The following ZBTB47 variants were observed in gnomAD, a reference collection of about 807,000 sequenced individuals.
ZBTB47 encodes zinc finger and BTB domain containing 47.
Under a neutral mutation model 56.6 loss-of-function variants are expected in ZBTB47, and 24 were observed. The ratio of observed to expected loss-of-function variants is 0.42; its 90% CI spans 0.31 to 0.60. The LOEUF (loss-of-function observed/expected upper bound fraction) is 0.60, where lower values mean the gene tolerates loss of function less well. Ranked by LOEUF, ZBTB47 falls within the 20% of genes least tolerant of loss-of-function variation. ZBTB47 has a pLI of 0.14. For synonymous variants in ZBTB47, 414 were observed against 418.9 expected, an observed-to-expected ratio of 0.99 and a Z score of 0.14; for missense variants, 829 against 1,032.6, an observed-to-expected ratio of 0.80 and a Z score of 2.70.
chr3:42,658,280 G>A lies in ZBTB47; in HGVS notation c.-76G>A. Reference sequence around the variant, plus strand: ...TGTGCCCTCTGTCCCCGCAGTTGCTGGTTGAGAAGACAACTGACTCCCCGG... The same window carrying A: ...TGTGCCCTCTGTCCCCGCAGTTGCTAGTTGAGAAGACAACTGACTCCCCGG... On this transcript the variant is annotated 5_prime_UTR_variant, in exon 2 of 6. It introduces an in-frame stop codon into an upstream open reading frame of the 5' UTR. Transcript: ENST00000232974. The A allele has an allele frequency of 1.4e-6, 2 of 1,472,752 alleles. No homozygotes were observed. Among genetic ancestry groups the A allele is most frequent in the Non-Finnish European group, 1.8e-6 (2 of 1,114,928 alleles). 91.2% of individuals were successfully genotyped at this position (1,472,752 alleles called of 1,614,324 possible).
Position 42,654,577 on chromosome 3 carries a change from G to C in ZBTB47, c.-82+694G>C, listed in dbSNP as rs1172842524. ...GGCCGCGCCCCCGGGGGCCATGGTC[G>C]CGGGGCCCTGCGCGGGGGCGGCCCC... On this transcript the variant is annotated intron_variant, in intron 1 of 5. Coordinates refer to ENST00000232974, the MANE Select transcript of ZBTB47 (RefSeq NM_145166.4). The surrounding 1 kb of genome is among the most constrained non-coding windows in gnomAD (Gnocchi z 5.0). The C allele has an allele frequency of 1.6e-6, 1 of 644,260 alleles. No individual in the cohort carries two copies. The highest frequency in any genetic ancestry group is 1.9e-6 in the Non-Finnish European group (1 of 520,004). The allele number at this position is 644,260 out of a possible 1,614,324, so 39.9% of individuals were successfully genotyped here. A position where few individuals can be genotyped will look rare whatever the true frequency, so the allele number is the denominator to read the frequency against.
chr3:42,652,940 C>A (rs1415024146), upstream of ZBTB47, among the ~76,000 whole-genome samples: 1 of 152,246 alleles, frequency 6.6e-6, no homozygotes, highest in Non-Finnish European at 1.5e-5. Context: ...CAGAAGGCAG[C>A]CCTCAGCGGG....
rs1294794489 is a variant in ZBTB47, at chr3:42,659,669, C to G, written c.1314C>G (p.Cys438Trp). Reference protein sequence around the residue: ...VKLEEKQHHPCQKCPRVFNNR... With the variant: ...VKLEEKQHHPWQKCPRVFNNR... The stretch of plus-strand genomic sequence containing the variant: ...TGGAGGAGAAGCAGCACCATCCATG[C>G]CAGAAGTGCCCACGAGTTTTCAACA... The change falls in exon 2 of 6, where the codon TGC becomes TGG. Residue 438 changes from cysteine (C) to tryptophan (W), a missense_variant. Physicochemically the swap from Cys to Trp is radical, Grantham distance 215. Coordinates refer to ENST00000232974, the MANE Select transcript of ZBTB47 (RefSeq NM_145166.4). 1 of 1,612,580 alleles carries G rather than the reference C, an allele frequency of 6.2e-7. No homozygotes were observed. Among genetic ancestry groups the G allele is most frequent in the Admixed American group, 1.7e-5 (1 of 59,784 alleles).
chr3:42,661,446 G>C (rs771726022), intron 2 of ZBTB47, 39 bp from the exon 3 acceptor site: 1 of 1,604,036 alleles, frequency 6.2e-7, no homozygotes, highest in South Asian at 1.1e-5. Context: ...AGACCCTGGG[G>C]ACTCAGGACC....
At chr3:42,655,592 C>T (rs1427608081) in intron 1 of ZBTB47, among the ~76,000 whole-genome samples, 4 of 152,196 alleles carry the variant, frequency 2.6e-5, no homozygotes, top group Admixed American at 1.3e-4. Flanking sequence ...CTGGAGTGAC[C>T]TGGACTGCAG....
At chr3:42,662,101 A>G (rs920850357) in intron 3 of ZBTB47, among the ~76,000 whole-genome samples, 4 of 152,264 alleles carry the variant, frequency 2.6e-5, no homozygotes, top group East Asian at 1.9e-4. Context: ...CTCAGGGTTC[A>G]TGCCTGGACA....
Position 42,654,819 on chromosome 3 carries a change from C to CAGCAGATGGAGCCG in ZBTB47, c.-82+936_-82+937insAGCAGATGGAGCCG. The CAGCAGATGGAGCCG allele has an allele frequency of 1.9e-6, 1 of 535,352 alleles. No homozygotes were observed. Among genetic ancestry groups the CAGCAGATGGAGCCG allele is most frequent in the Non-Finnish European group, 2.4e-6 (1 of 418,468 alleles). The allele number at this position is 535,352 out of a possible 1,614,324, so 33.2% of individuals were successfully genotyped here. ...GATCTTCCCCCCTCCCCCGGTCTCC[C>CAGCAGATGGAGCCG]GGCTCCATCTGCTGGGTCCCGCGGG... On this transcript the variant is annotated intron_variant, in intron 1 of 5. Coordinates refer to ENST00000232974, the MANE Select transcript of ZBTB47 (RefSeq NM_145166.4). This position sits in a 1 kb window ranked among gnomAD's most constrained non-coding sequence, Gnocchi z 5.0.
At position 42,663,652 on chromosome 3, in the gene ZBTB47, G is replaced by A. The variant is rs1577629479; in HGVS notation, c.1738-145G>A. The stretch of plus-strand genomic sequence containing the variant: ...TGTACTGCCCACCCAGATGCACCTC[G>A]GCTTGCCCTCATGTCCCCATCTCCT... On this transcript the variant is annotated intron_variant, in intron 4 of 5. Coordinates refer to ENST00000232974, the MANE Select transcript of ZBTB47 (RefSeq NM_145166.4). This position sits in a 1 kb window ranked among gnomAD's most constrained non-coding sequence, Gnocchi z 5.1. The A allele has an allele frequency of 5.8e-6, 6 of 1,031,394 alleles. No homozygotes were observed. The East Asian group carries it at 1.1e-4, about 18-fold the overall frequency. 63.9% of individuals were successfully genotyped at this position (1,031,394 alleles called of 1,614,324 possible).
In ZBTB47 at chr3:42,659,385, A is replaced by G. The variant is rs1158221140; in HGVS notation, c.1030A>G (p.Ser344Gly). The G allele has an allele frequency of 8.9e-7, 1 of 1,120,280 alleles. No individual in the cohort carries two copies. The highest frequency in any genetic ancestry group is 1.1e-6 in the Non-Finnish European group (1 of 899,370). The allele number at this position is 1,120,280 out of a possible 1,614,324, so 69.4% of individuals were successfully genotyped here. A position where few individuals can be genotyped will look rare whatever the true frequency, so the allele number is the denominator to read the frequency against. ...AGGGCCTAGTGAGCAGGATCAAGAG[A>G]GCTCTGAGGAGGAGGAGGGGGAGGA... ...EEGPSEQDQE[S>G]SEEEEGEEGE... Residue 344 changes from serine to glycine, a missense_variant, in exon 2 of 6, where the codon AGC (serine) becomes GGC (glycine). Transcript: ENST00000232974.
chr3:42,666,603 C>T lies in ZBTB47; in HGVS notation c.*2005C>T, dbSNP rs1710792355. Among the ~76,000 whole-genome samples the T allele has an allele frequency of 6.6e-6, 1 of 152,208 alleles. No homozygotes were observed. The highest frequency in any genetic ancestry group is 2.4e-5 in the African/African-American group (1 of 41,452). The stretch of plus-strand genomic sequence containing the variant: ...TCCTCCATGGGTTTCCAACCCCCAT[C>T]ACTGGCACCAGGATCTCCCACAGGC... On this transcript the variant is annotated 3_prime_UTR_variant, in exon 6 of 6. Coordinates refer to ENST00000232974, the MANE Select transcript of ZBTB47 (RefSeq NM_145166.4).
In ZBTB47 at chr3:42,664,361, C is replaced by A. The variant is rs1260676272; in HGVS notation, c.2007C>A (p.Phe669Leu). 3 of 1,611,286 alleles carry A rather than the reference C, an allele frequency of 1.9e-6. No homozygotes were observed. The highest frequency in any genetic ancestry group is 2.5e-6 in the Non-Finnish European group (3 of 1,178,918). ...PYPCDVCGQR[F>L]RFSNMLKAHK... Reference sequence around the variant, plus strand: ...CGTGCGACGTGTGTGGCCAGCGCTTCCGCTTCTCCAACATGCTCAAGGCCC... The same window carrying A: ...CGTGCGACGTGTGTGGCCAGCGCTTACGCTTCTCCAACATGCTCAAGGCCC... The change falls in exon 6 of 6, where the codon TTC becomes TTA. Residue 669 changes from phenylalanine to leucine, a missense_variant. Phe to Leu is a conservative substitution (Grantham distance 22). Around this residue, in one of 6 missense-constraint regions of ZBTB47, gnomAD observed 115 missense variants for 117.2 expected, o/e 0.98. Transcript: ENST00000232974.
Position 42,667,471 on chromosome 3 carries a change from T to G in ZBTB47, c.*2873T>G, listed in dbSNP as rs762041319. ...AGAATGGCCATGCCCAGGTGTGTGT[T>G]GAGACCATTGACAACTGCTCGTGTA... On this transcript the variant is annotated 3_prime_UTR_variant, in exon 6 of 6. Coordinates refer to ENST00000232974, the MANE Select transcript of ZBTB47 (RefSeq NM_145166.4). Among the ~76,000 whole-genome samples the G allele has an allele frequency of 2.4e-4, 37 of 152,214 alleles. No individual in the cohort carries two copies. Among genetic ancestry groups the G allele is most frequent in the South Asian group, 6.2e-4 (3 of 4,828 alleles).
rs1710803235 is a variant in ZBTB47 at position 42,667,478 on chromosome 3, A to G, written c.*2880A>G. On this transcript the variant is annotated 3_prime_UTR_variant, in exon 6 of 6. Coordinates refer to ENST00000232974, the MANE Select transcript of ZBTB47 (RefSeq NM_145166.4). ...CCATGCCCAGGTGTGTGTTGAGACC[A>G]TTGACAACTGCTCGTGTACAGGCAC... Among the ~76,000 whole-genome samples the G allele has an allele frequency of 6.6e-6, 1 of 152,228 alleles. No homozygotes were observed. Among genetic ancestry groups the G allele is most frequent in the Non-Finnish European group, 1.5e-5 (1 of 68,044 alleles).
intron 2 of ZBTB47, among the ~76,000 whole-genome samples, chr3:42,660,699 C>T (rs1373631224): frequency 2.0e-5 from 3 of 152,200 alleles, no homozygotes; most frequent in East Asian, 1.9e-4. Flanking sequence ...CCGGGGGTCA[C>T]CTGCTATCCT....
In ZBTB47 at chr3:42,659,735, C is replaced by A; in HGVS notation, c.1380C>A (p.Ser460Arg). Residue 460 changes from serine to arginine, a missense_variant, in exon 2 of 6, where the codon AGC becomes AGA. By Grantham distance (110) the Ser-to-Arg change is moderately radical (BLOSUM62 -1). Around this residue, in one of 6 missense-constraint regions of ZBTB47, gnomAD observed 187 missense variants for 253.1 expected, o/e 0.74. Transcript: ENST00000232974. ...YLEKHMNVTH[S>R]RMQICDQCGK... ...AGAAACACATGAATGTGACCCACAG[C>A]CGCATGCAGATCTGCGACCAGTGCG... 6.2e-7 allele frequency: 1 copy of A among 1,613,740 alleles called. No individual in the cohort carries two copies. Among genetic ancestry groups the A allele is most frequent in the East Asian group, 2.2e-5 (1 of 44,892 alleles).
chr3:42,666,885 A>ACAACCAACCCCTCTCCTGGGAGGCC lies in ZBTB47; in HGVS notation c.*2289_*2313dup, dbSNP rs1227253867. On this transcript the variant is annotated 3_prime_UTR_variant, in exon 6 of 6. Coordinates refer to ENST00000232974, the MANE Select transcript of ZBTB47 (RefSeq NM_145166.4). ...ACGGTCACGGGAGCTCTAGGTGGGC[A>ACAACCAACCCCTCTCCTGGGAGGCC]CAACCAACCCCTCTCCTGGGAGGCC... Among the ~76,000 whole-genome samples, 1 of 152,196 alleles carries ACAACCAACCCCTCTCCTGGGAGGCC rather than the reference A, an allele frequency of 6.6e-6. No homozygotes were observed. Among genetic ancestry groups the ACAACCAACCCCTCTCCTGGGAGGCC allele is most frequent in the East Asian group, 1.9e-4 (1 of 5,166 alleles).
At chr3:42,655,212 G>T (rs1710626532) in intron 1 of ZBTB47, among the ~76,000 whole-genome samples, 1 of 152,160 alleles carries the variant, frequency 6.6e-6, no homozygotes, top group South Asian at 2.1e-4. Context: ...GAGGAGGCTG[G>T]CATGGACACT....
chr3:42,654,896 C>T lies in ZBTB47; in HGVS notation c.-82+1013C>T, dbSNP rs1041673293. Among the ~76,000 whole-genome samples, 2 of 149,924 alleles carry T rather than the reference C, an allele frequency of 1.3e-5. No homozygotes were observed. The highest frequency in any genetic ancestry group is 4.9e-5 in the African/African-American group (2 of 40,720). On this transcript the variant is annotated intron_variant, in intron 1 of 5. Coordinates refer to ENST00000232974, the MANE Select transcript of ZBTB47 (RefSeq NM_145166.4). The surrounding 1 kb of genome is among the most constrained non-coding windows in gnomAD (Gnocchi z 5.0). ...TCTCGGTGGGGAGGGGGTTAAATTC[C>T]TGTGGTGGGGGCGCCGGCGCGCGAG... is the stretch of plus-strand genomic sequence containing the variant.
In ZBTB47 at chr3:42,654,142, T is replaced by C. The variant is rs894953497; in HGVS notation, c.-82+259T>C. 6.6e-6 allele frequency: 1 copy of C among 152,004 alleles called. No homozygotes were observed. The highest frequency in any genetic ancestry group is 2.4e-5 in the African/African-American group (1 of 41,348). 9.4% of individuals were successfully genotyped at this position (152,004 alleles called of 1,614,324 possible). A position where few individuals can be genotyped will look rare whatever the true frequency, so the allele number is the denominator to read the frequency against. ...GGGCCCGGCGCGCTCAGCTTCCTGA[T>C]TTCACGGCAGCTTCCTATCCTGGCT... On this transcript the variant is annotated intron_variant, in intron 1 of 5. Coordinates refer to ENST00000232974, the MANE Select transcript of ZBTB47 (RefSeq NM_145166.4). The surrounding 1 kb of genome is among the most constrained non-coding windows in gnomAD (Gnocchi z 5.0).
Sources: gnomAD v4.1 joint callset for allele counts (sites outside exome capture counted in the v4.1 genomes callset) on GRCh38, gnomAD v4.1.1 for gene constraint, gnomAD v4.1.1 regional missense constraint, Gnocchi (gnomAD v3.1) non-coding constraint, MANE v1.5 for transcripts, NCBI Gene and HGNC (gene_info 2026-07-23, HGNC 2026-07-21) for gene names.